TMEM132C: variants seen among roughly 807,000 people sequenced by gnomAD.
TMEM132C encodes the protein protein phosphatase 1, regulatory subunit 152.
Under a neutral mutation model 61.4 loss-of-function variants are expected in TMEM132C, and 29 were observed. The observed-to-expected ratio is 0.47, with a 90% CI of 0.35 to 0.64. The LOEUF is 0.64. Ranked by LOEUF, TMEM132C falls within the 30% of genes least tolerant of loss-of-function variation. The pLI, the probability that TMEM132C is intolerant of heterozygous loss-of-function variation, is 0.00. For missense variants in TMEM132C, 1,408 were observed against 1,476.9 expected (o/e 0.95, Z 0.76); for synonymous variants, 656 against 633.1 (o/e 1.04, Z -0.54).
chr12:128,523,185 C>T (rs576836234), intron 2 of TMEM132C, among the ~76,000 whole-genome samples: 6 of 152,200 alleles, frequency 3.9e-5, no homozygotes, highest in South Asian at 2.1e-4. Flanking sequence ...TGTAGGGTTC[C>T]GCTTACATGA....
chr12:128,521,061 G>A (rs76731814), intron 2 of TMEM132C, among the ~76,000 whole-genome samples: 2,228 of 152,042 alleles, frequency 0.015, 49 homozygotes, highest in African/African-American at 0.051. Context: ...GCCACCCTTC[G>A]CGTTTCTCTC....
intron 3 of TMEM132C, among the ~76,000 whole-genome samples, chr12:128,562,953 T>C (rs1486041403): frequency 2.6e-5 from 4 of 152,198 alleles, no homozygotes; most frequent in Admixed American, 2.0e-4. Flanking sequence ...CAATCCAAGA[T>C]AGCTCATCAC....
chr12:128,484,152 G>A (rs1345548911), intron 2 of TMEM132C, among the ~76,000 whole-genome samples: 2 of 152,204 alleles, frequency 1.3e-5, no homozygotes, highest in East Asian at 3.8e-4. Context: ...GTTTGCCAGT[G>A]CACGAGGATG....
At chr12:128,684,591 G>A (rs547058207) in intron 5 of TMEM132C, among the ~76,000 whole-genome samples, 98 of 152,328 alleles carry the variant, frequency 6.4e-4, no homozygotes, top group African/African-American at 2.2e-3. Context: ...CGAGAACGAC[G>A]GGAGATGTGT....
intron 2 of TMEM132C, among the ~76,000 whole-genome samples, chr12:128,527,838 G>A (rs1873143703): frequency 6.6e-6 from 1 of 152,164 alleles, no homozygotes; most frequent in Non-Finnish European, 1.5e-5. Context: ...TGTAGTCAGA[G>A]TGCAGGGATC....
At chr12:128,659,218 G>A (rs1954359355) in intron 4 of TMEM132C, among the ~76,000 whole-genome samples, 1 of 151,864 alleles carries the variant, frequency 6.6e-6, no homozygotes. Flanking sequence ...AATCATTCTT[G>A]GCTAACAAAT....
At chr12:128,380,904 A>G (rs1261998450) in intron 1 of TMEM132C, among the ~76,000 whole-genome samples, 1 of 152,124 alleles carries the variant, frequency 6.6e-6, no homozygotes, top group Non-Finnish European at 1.5e-5. Flanking sequence ...TTCACATTGA[A>G]CTCATGGCCA....
At chr12:128,556,078 G>A (rs1213718645) in intron 3 of TMEM132C, among the ~76,000 whole-genome samples, 1 of 152,200 alleles carries the variant, frequency 6.6e-6, no homozygotes, top group East Asian at 1.9e-4. Context: ...AGGCATTGGG[G>A]TGGTGGGTGG....
At chr12:128,270,799 C>T (rs1870485994) in intron 1 of TMEM132C, among the ~76,000 whole-genome samples, 1 of 152,202 alleles carries the variant, frequency 6.6e-6, no homozygotes. Flanking sequence ...ATTGCAACTT[C>T]TTGGAAATCA....
At chr12:128,359,140 C>T (rs1873612953) in intron 1 of TMEM132C, among the ~76,000 whole-genome samples, 1 of 152,226 alleles carries the variant, frequency 6.6e-6, no homozygotes, top group Non-Finnish European at 1.5e-5. Flanking sequence ...TCACCTACTA[C>T]TCGCTTTGTC....
rs1000172081 is a variant in TMEM132C at position 128,327,389 on chromosome 12, T to C, written c.85+59902T>C. On this transcript the variant is annotated intron_variant, in intron 1 of 8. Transcript: ENST00000435159. ...TTGTTTGTTTGTTTGTTTGTTTGTT[T>C]GTTTGTTTTTTGAGATGGAGTCTCA... Among the ~76,000 whole-genome samples the C allele has an allele frequency of 8.1e-5, 12 of 149,030 alleles. 1 individual carries two copies. Among genetic ancestry groups the C allele is most frequent in the Admixed American group, 6.6e-4 (10 of 15,138 alleles).
At chr12:128,471,459 A>G (rs1870949681) in intron 2 of TMEM132C, among the ~76,000 whole-genome samples, 2 of 152,200 alleles carry the variant, frequency 1.3e-5, no homozygotes, top group South Asian at 4.1e-4. Context: ...CTTCTGAACC[A>G]AATGGAAGGA....
intron 2 of TMEM132C, among the ~76,000 whole-genome samples, chr12:128,497,591 G>A (rs2136105978): frequency 6.6e-6 from 1 of 152,208 alleles, no homozygotes; most frequent in East Asian, 1.9e-4. Flanking sequence ...TGCTGTGCTA[G>A]CAACGAGCGA....
At position 128,326,038 on chromosome 12, in the gene TMEM132C, G is replaced by A. The variant is rs1003551258; in HGVS notation, c.85+58551G>A. Among the ~76,000 whole-genome samples, 1 of 152,074 alleles carries A rather than the reference G, an allele frequency of 6.6e-6. No individual in the cohort carries two copies. The highest frequency in any genetic ancestry group is 2.4e-5 in the African/African-American group (1 of 41,408). ...GGTCCTGACGCCATACTCAGGACAT[G>A]GCCAGTATTCACACAGTATTGGAAT... On this transcript the variant is annotated intron_variant, in intron 1 of 8. Transcript: ENST00000435159. The surrounding 1 kb of genome is among the most constrained non-coding windows in gnomAD (Gnocchi z 5.6).
At chr12:128,341,442 T>C (rs1480645050) in intron 1 of TMEM132C, among the ~76,000 whole-genome samples, 1 of 152,238 alleles carries the variant, frequency 6.6e-6, no homozygotes, top group African/African-American at 2.4e-5. Context: ...CCCAAGGTGT[T>C]TTATTTTACT....
chr12:128,400,340 C>T (rs968917427), intron 1 of TMEM132C, among the ~76,000 whole-genome samples: 1 of 152,192 alleles, frequency 6.6e-6, no homozygotes, highest in African/African-American at 2.4e-5. Context: ...GAGACTGGCT[C>T]ACTCATTGGC....
chr12:128,696,818 T>C (rs2135655982), intron 7 of TMEM132C, among the ~76,000 whole-genome samples: 1 of 152,300 alleles, frequency 6.6e-6, no homozygotes, highest in Admixed American at 6.5e-5. Context: ...TACATTGTGG[T>C]GGTGGTGGGA....
At chr12:128,443,521 T>C (rs1048232763) in intron 2 of TMEM132C, among the ~76,000 whole-genome samples, 14 of 152,226 alleles carry the variant, frequency 9.2e-5, no homozygotes, top group African/African-American at 3.4e-4. Context: ...AATTTTTCTA[T>C]AGTTTTATAA....
chr12:128,654,611 C>T (rs998137097), intron 4 of TMEM132C, among the ~76,000 whole-genome samples: 4 of 152,138 alleles, frequency 2.6e-5, no homozygotes, highest in Non-Finnish European at 2.9e-5. Context: ...AACTCTGAGC[C>T]GCTCTGATGA....
Sources: gnomAD v4.1 joint callset for allele counts (sites outside exome capture counted in the v4.1 genomes callset) on GRCh38, gnomAD v4.1.1 for gene constraint, Gnocchi (gnomAD v3.1) non-coding constraint, MANE v1.5 for transcripts, NCBI Gene and HGNC (gene_info 2026-07-23, HGNC 2026-07-21) for gene names.